The following ARFGEF2 variants were observed in gnomAD, a reference collection of about 807,000 sequenced individuals.
ARFGEF2 encodes brefeldin A-inhibited guanine nucleotide-exchange protein 2.
In ARFGEF2, 74 loss-of-function variants were observed where a neutral mutation model predicts 219.9. The observed-to-expected ratio is 0.34, with a 90% CI of 0.28 to 0.41. The LOEUF (loss-of-function observed/expected upper bound fraction) is 0.41, where lower values mean the gene tolerates loss of function less well. ARFGEF2 is among the 10% of genes least tolerant of loss of function. ARFGEF2 has a pLI of 1.00. For synonymous variants in ARFGEF2, 733 were observed against 799.2 expected, an observed-to-expected ratio of 0.92 and a Z score of 1.40; for missense variants, 1,743 against 2,218.3, an observed-to-expected ratio of 0.79 and a Z score of 4.30.
intron 1 of ARFGEF2, among the ~76,000 whole-genome samples, chr20:48,937,142 A>T (rs929319726): frequency 6.6e-6 from 1 of 152,178 alleles, no homozygotes; most frequent in Non-Finnish European, 1.5e-5. Flanking sequence ...CTCCACCTGC[A>T]CGGGCTCTGT....
chr20:48,922,663 G>GC (rs1203139702), intron 1 of ARFGEF2, among the ~76,000 whole-genome samples: 2 of 152,216 alleles, frequency 1.3e-5, no homozygotes, highest in African/African-American at 4.8e-5. Flanking sequence ...AGTGCCTGGC[G>GC]CACAGTAGGT....
chr20:49,005,327 G>T, intron 26 of ARFGEF2, 106 bp downstream of exon 26: 11 of 1,362,276 alleles, frequency 8.1e-6, no homozygotes, highest in Non-Finnish European at 1.1e-5. Context: ...CCTTGTCAGT[G>T]GAAACAAATA....
chr20:48,959,405 T>TTTC (rs2091125125), intron 6 of ARFGEF2, among the ~76,000 whole-genome samples: 1 of 63,192 alleles, frequency 1.6e-5, no homozygotes, highest in Admixed American at 1.6e-4. Context: ...CCTTCCCTCC[T>TTTC]TCCTTCCCTC....
At chr20:48,980,022 A>G (rs910980632) in intron 14 of ARFGEF2, among the ~76,000 whole-genome samples, 5 of 151,156 alleles carry the variant, frequency 3.3e-5, no homozygotes, top group African/African-American at 1.2e-4. Flanking sequence ...GCCTTCTGTT[A>G]GCTTTTGAAT....
intron 10 of ARFGEF2, among the ~76,000 whole-genome samples, chr20:48,971,826 G>A (rs1014989101): frequency 6.6e-6 from 1 of 151,868 alleles, no homozygotes; most frequent in African/African-American, 2.4e-5. Flanking sequence ...GCATGAACCC[G>A]GGAGGCGGAG....
In ARFGEF2 at chr20:48,989,591, C is replaced by T. The variant is rs528322627; in HGVS notation, c.2721C>T (p.Ile907=). 16 of 1,614,218 alleles carry T rather than the reference C, an allele frequency of 9.9e-6. No individual in the cohort carries two copies. Among genetic ancestry groups the T allele is most frequent in the Middle Eastern group, 1.6e-4 (1 of 6,062 alleles). ...VWTPLLAAYS[I]GLQNCDDTEV... ...CGCCACTATTGGCAGCCTACAGCAT[C>T]GGACTCCAGAACTGTGATGACACTG... The change falls in exon 20 of 39, where the codon ATC becomes ATT. Residue 907 remains isoleucine (I), a synonymous_variant. Transcript: ENST00000371917.
chr20:48,990,657 GTC>G (rs776770803), intron 20 of ARFGEF2, among the ~76,000 whole-genome samples: 1 of 152,184 alleles, frequency 6.6e-6, no homozygotes, highest in African/African-American at 2.4e-5. Context: ...CTCAGCTAAA[GTC>G]TCTCTGAGAC....
intron 1 of ARFGEF2, among the ~76,000 whole-genome samples, chr20:48,940,758 C>T (rs1287158412): frequency 2.6e-5 from 4 of 152,140 alleles, no homozygotes; most frequent in African/African-American, 7.2e-5. Flanking sequence ...TGTCTACAGA[C>T]GTTTTTGGTT....
At chr20:49,008,392 G>A (rs1015100860) in intron 26 of ARFGEF2, among the ~76,000 whole-genome samples, 5 of 151,578 alleles carry the variant, frequency 3.3e-5, no homozygotes, top group African/African-American at 4.8e-5. Context: ...CTGAAACCCC[G>A]TCTCTACTAA....
intron 1 of ARFGEF2, among the ~76,000 whole-genome samples, chr20:48,924,588 T>C (rs1295990702): frequency 6.6e-6 from 1 of 150,462 alleles, no homozygotes; most frequent in African/African-American, 2.4e-5. Flanking sequence ...GAGATTACCA[T>C]GTATAGATTG....
intron 1 of ARFGEF2, among the ~76,000 whole-genome samples, chr20:48,934,716 G>A (rs1279856068): frequency 1.3e-5 from 2 of 152,150 alleles, no homozygotes; most frequent in Admixed American, 1.3e-4. Flanking sequence ...AGTAGTCCAT[G>A]GTGTATATGT....
At chr20:48,939,231 C>A (rs188203511) in intron 1 of ARFGEF2, among the ~76,000 whole-genome samples, 34 of 152,072 alleles carry the variant, frequency 2.2e-4, no homozygotes, top group Non-Finnish European at 4.9e-4. Flanking sequence ...CCTCGGCCTC[C>A]CAAAATGCTG....
In ARFGEF2 at chr20:48,984,974, T is replaced by C. The variant is rs573439273; in HGVS notation, c.2070+134T>C. ...CACCCCCGGGTTATACATTGTCTAT[T>C]GTCCACCCCCGGGTTACAGCAGTCC... is the stretch of plus-strand genomic sequence containing the variant. On this transcript the variant is annotated intron_variant, in intron 15 of 38. Transcript: ENST00000371917. 43 of 1,499,350 alleles carry C rather than the reference T, an allele frequency of 2.9e-5. No individual in the cohort carries two copies. The African/African-American group carries it at 4.5e-4, about 16-fold the overall frequency. The allele number at this position is 1,499,350 out of a possible 1,614,324, so 92.9% of individuals were successfully genotyped here.
chr20:49,008,531 C>G (rs1408646940), intron 26 of ARFGEF2, among the ~76,000 whole-genome samples: 3 of 150,808 alleles, frequency 2.0e-5, no homozygotes, highest in Admixed American at 1.3e-4. Context: ...CCACTGCACT[C>G]CAGCCTGAAT....
At chr20:48,922,545 T>G (rs2090849737) in intron 1 of ARFGEF2, among the ~76,000 whole-genome samples, 1 of 152,240 alleles carries the variant, frequency 6.6e-6, no homozygotes. Flanking sequence ...CCAGGCATTG[T>G]AGTGAGCAAG....
chr20:49,029,205 T>G (rs1027669005), intron 37 of ARFGEF2, among the ~76,000 whole-genome samples: 2 of 152,216 alleles, frequency 1.3e-5, no homozygotes, highest in African/African-American at 4.8e-5. Flanking sequence ...GTCACTCAGC[T>G]TCCTGGGCAT....
intron 11 of ARFGEF2, among the ~76,000 whole-genome samples, 167 bp downstream of exon 11, chr20:48,972,592 C>T (rs2091235276): frequency 6.6e-6 from 1 of 152,168 alleles, no homozygotes; most frequent in African/African-American, 2.4e-5. Flanking sequence ...GGATGACCAA[C>T]TTAGGCTGGT....
chr20:49,001,574 T>C (rs2091425526), intron 25 of ARFGEF2, among the ~76,000 whole-genome samples: 2 of 152,220 alleles, frequency 1.3e-5, no homozygotes, highest in Admixed American at 6.5e-5. Context: ...ATGGTGTGTA[T>C]GCCTGGAGCA....
intron 1 of ARFGEF2, among the ~76,000 whole-genome samples, chr20:48,925,939 A>G (rs2090874203): frequency 6.6e-6 from 1 of 152,232 alleles, no homozygotes; most frequent in South Asian, 2.1e-4. Context: ...ACGTATTTTC[A>G]TATGAAATTG....
Sources: allele counts gnomAD v4.1 joint callset (sites outside exome capture counted in the v4.1 genomes callset), GRCh38; gene constraint gnomAD v4.1.1; transcripts MANE v1.5; gene names NCBI Gene and HGNC (gene_info 2026-07-23, HGNC 2026-07-21).